Variants in GZF1 observed in about 807,000 individuals in gnomAD.
GZF1 encodes the protein GDNF inducible zinc finger protein 1, also known as GDNF-inducible zinc finger protein 1.
In GZF1, 28 loss-of-function variants were observed where a neutral mutation model predicts 49.4. The ratio of observed to expected loss-of-function variants is 0.57; its 90% CI spans 0.42 to 0.78. GZF1 has a LOEUF of 0.78. Ranked by LOEUF, GZF1 falls within the 30% of genes least tolerant of loss-of-function variation. The probability of loss-of-function intolerance (pLI) is 0.00; values close to 1 mark genes in which losing one functional copy is unlikely to be tolerated. For synonymous variants in GZF1, 364 were observed against 356.0 expected, an observed-to-expected ratio of 1.02 and a Z score of -0.25; for missense variants, 798 against 916.2, an observed-to-expected ratio of 0.87 and a Z score of 1.67.
At position 23,371,022 on chromosome 20, in the gene GZF1, C is replaced by G. The variant is rs1304929823; in HGVS notation, c.*581C>G. The G allele has an allele frequency of 4.6e-5, 7 of 151,394 alleles. No homozygotes were observed. Among genetic ancestry groups the G allele is most frequent in the Non-Finnish European group, 1.0e-4 (7 of 68,684 alleles). The allele number at this position is 151,394 out of a possible 1,614,324, so 9.4% of individuals were successfully genotyped here. A position where few individuals can be genotyped will look rare whatever the true frequency, so the allele number is the denominator to read the frequency against. Reference sequence around the variant, plus strand: ...GATTGTTGCATTCATTCCTCCCCACCCCCCATTTGTAGGCAGTAAACAAAG... The same window carrying G: ...GATTGTTGCATTCATTCCTCCCCACGCCCCATTTGTAGGCAGTAAACAAAG... On this transcript the variant is annotated 3_prime_UTR_variant, in exon 6 of 6. Coordinates refer to ENST00000338121, the MANE Select transcript of GZF1 (RefSeq NM_022482.5).
chr20:23,365,860 G>A, intron 2 of GZF1, 113 bp downstream of exon 2: 1 of 1,403,976 alleles, frequency 7.1e-7, no homozygotes, highest in Non-Finnish European at 9.3e-7. Context: ...CCAAACCTGG[G>A]GGCTTATTTC....
Position 23,365,759 on chromosome 20 carries a change from G to A in GZF1, c.1364+12G>A. On this transcript the variant is annotated intron_variant, in intron 2 of 5. Transcript: ENST00000338121. ...AAGACGCACATGAGGTACGCGGGGA[G>A]CCGTCCGGAGGGGTCCCTGCGCACT... The A allele has an allele frequency of 1.3e-6, 2 of 1,517,342 alleles. No homozygotes were observed. Among genetic ancestry groups the A allele is most frequent in the Non-Finnish European group, 1.8e-6 (2 of 1,137,696 alleles). The allele number at this position is 1,517,342 out of a possible 1,614,324, so 94.0% of individuals were successfully genotyped here.
chr20:23,366,014 T>C (rs1981333003), intron 2 of GZF1, among the ~76,000 whole-genome samples: 1 of 152,226 alleles, frequency 6.6e-6, no homozygotes. Context: ...CGCCCCACCG[T>C]GCTGGAGGAA....
chr20:23,368,585 G>C (rs1981683448), intron 3 of GZF1, among the ~76,000 whole-genome samples, 177 bp from the exon 4 acceptor site: 1 of 152,184 alleles, frequency 6.6e-6, no homozygotes, highest in South Asian at 2.1e-4. Flanking sequence ...CCAACTTTCA[G>C]TAAGTAGCAA....
chr20:23,364,234 A>C, intron 1 of GZF1, 129 bp from the exon 2 acceptor site: 1 of 541,704 alleles, frequency 1.8e-6, no homozygotes, highest in Non-Finnish European at 3.2e-6. Flanking sequence ...ATGTCATTCG[A>C]ATCTTTACCT....
Position 23,364,501 on chromosome 20 carries a change from CAG to C in GZF1, c.119_120del (p.Gln40ArgfsTer21). On this transcript the variant is annotated frameshift_variant, in exon 2 of 6. Coordinates refer to ENST00000338121, the MANE Select transcript of GZF1 (RefSeq NM_022482.5). LOFTEE classifies it high-confidence loss of function. ...TGACGTGACAGTCAGCGTGGAGTAT[CAG>C]GGTGTCCGCAAAGACTTCATGGCCC... is the stretch of plus-strand genomic sequence containing the variant. ...LCDVTVSVEY[Q>X]GVRKDFMAHK... 6.2e-7 allele frequency: 1 copy of C among 1,614,224 alleles called. No individual in the cohort carries two copies. The highest frequency in any genetic ancestry group is 8.5e-7 in the Non-Finnish European group (1 of 1,180,040).
Position 23,371,388 on chromosome 20 carries a change from C to T in GZF1, c.*947C>T, listed in dbSNP as rs1366872929. On this transcript the variant is annotated 3_prime_UTR_variant, in exon 6 of 6. Transcript: ENST00000338121. ...TTTCTGTAATTTCCAGAAACCCAGA[C>T]TTCTCATTTCCACACCTAGAGATGG... is the stretch of plus-strand genomic sequence containing the variant. 6.6e-6 allele frequency: 1 copy of T among 152,606 alleles called. No homozygotes were observed. The highest frequency in any genetic ancestry group is 1.5e-5 in the Non-Finnish European group (1 of 68,044). 9.5% of individuals were successfully genotyped at this position (152,606 alleles called of 1,614,324 possible). A position where few individuals can be genotyped will look rare whatever the true frequency, so the allele number is the denominator to read the frequency against.
Position 23,368,930 on chromosome 20 carries a change from G to T in GZF1, c.1627+1G>T. On this transcript the variant is annotated splice_donor_variant, in intron 4 of 5. Coordinates refer to ENST00000338121, the MANE Select transcript of GZF1 (RefSeq NM_022482.5). LOFTEE classifies it high-confidence loss of function. ...TACCAGCATATTAAAGTCCACACAG[G>T]TATGGTTGGAATGTCCCAGGGAAGG... 1 of 1,607,310 alleles carries T rather than the reference G, an allele frequency of 6.2e-7. No individual in the cohort carries two copies. The highest frequency in any genetic ancestry group is 8.5e-7 in the Non-Finnish European group (1 of 1,176,962).
chr20:23,364,677 G>A lies in GZF1; in HGVS notation c.294G>A (p.Lys98=), dbSNP rs756005236. Residue 98 remains lysine, a synonymous_variant, in exon 2 of 6, where the codon AAG becomes AAA. Coordinates refer to ENST00000338121, the MANE Select transcript of GZF1 (RefSeq NM_022482.5). ...TTCTTGAGTTTGTCTACACTGCAAA[G>A]GTACAGGTGGAAGAAGATCGGGTGC... ...ASFLEFVYTA[K]VQVEEDRVQR... 14 of 1,614,168 alleles carry A rather than the reference G, an allele frequency of 8.7e-6. No individual in the cohort carries two copies. The highest frequency in any genetic ancestry group is 6.7e-5 in the Admixed American group (4 of 60,018).
In GZF1 at chr20:23,364,926, G is replaced by A; in HGVS notation, c.543G>A (p.Leu181=). The change falls in exon 2 of 6, where the codon TTG becomes TTA. Residue 181 remains leucine, a synonymous_variant. Coordinates refer to ENST00000338121, the MANE Select transcript of GZF1 (RefSeq NM_022482.5). ...GPHPSGLTDS[L]DYPGERASNG... ...ACCCCAGTGGTCTCACGGATTCCTT[G>A]GACTACCCAGGAGAGAGAGCCAGCA... 1 of 1,614,218 alleles carries A rather than the reference G, an allele frequency of 6.2e-7. No individual in the cohort carries two copies. Among genetic ancestry groups the A allele is most frequent in the Non-Finnish European group, 8.5e-7 (1 of 1,180,046 alleles).
At position 23,362,208 on chromosome 20, in the gene GZF1, A is replaced by G. The variant is rs1363521757; in HGVS notation, c.-51A>G. On this transcript the variant is annotated 5_prime_UTR_variant, in exon 1 of 6. Coordinates refer to ENST00000338121, the MANE Select transcript of GZF1 (RefSeq NM_022482.5). The stretch of plus-strand genomic sequence containing the variant: ...TTCCTACCGGCCTGGTCCAGCGGAC[A>G]GCGGCTGCAGCGGGGGCGCCGGCTG... The G allele has an allele frequency of 1.3e-5, 2 of 152,146 alleles. No homozygotes were observed. The highest frequency in any genetic ancestry group is 1.5e-5 in the Non-Finnish European group (1 of 68,030). 9.4% of individuals were successfully genotyped at this position (152,146 alleles called of 1,614,324 possible).
chr20:23,367,650 T>A lies in GZF1; in HGVS notation c.1459+553T>A, dbSNP rs1267479058. On this transcript the variant is annotated intron_variant, in intron 3 of 5. Coordinates refer to ENST00000338121, the MANE Select transcript of GZF1 (RefSeq NM_022482.5). The stretch of plus-strand genomic sequence containing the variant: ...GTTAACCTCAATTGTATTGAAAACC[T>A]GCACATAAAAGACCAGAAGAAAATA... Among the ~76,000 whole-genome samples the A allele has an allele frequency of 3.3e-5, 5 of 152,240 alleles. No individual in the cohort carries two copies. The East Asian group carries it at 5.8e-4, about 18-fold the overall frequency.
chr20:23,369,064 C>G lies in GZF1; in HGVS notation c.1627+135C>G, dbSNP rs1019816276. ...GGCCAAACTTTGTATGTCATAATAG[C>G]ATTTCTTTAGAGATTGTTTCTAACT... On this transcript the variant is annotated intron_variant, in intron 4 of 5. Coordinates refer to ENST00000338121, the MANE Select transcript of GZF1 (RefSeq NM_022482.5). 8 of 684,620 alleles carry G rather than the reference C, an allele frequency of 1.2e-5. No homozygotes were observed. In the African/African-American group the frequency reaches 1.5e-4, roughly 12 times the overall value. The allele number at this position is 684,620 out of a possible 1,614,324, so 42.4% of individuals were successfully genotyped here.
intron 3 of GZF1, among the ~76,000 whole-genome samples, chr20:23,368,346 A>C (rs1472649399): frequency 6.6e-6 from 1 of 152,180 alleles, no homozygotes; most frequent in African/African-American, 2.4e-5. Flanking sequence ...TGGAGTTGCT[A>C]CTCTAGAATA....
upstream of GZF1, among the ~76,000 whole-genome samples, chr20:23,361,474 T>A (rs1356201871): frequency 6.6e-6 from 1 of 152,178 alleles, no homozygotes; most frequent in African/African-American, 2.4e-5. Context: ...TTCGCCCGAA[T>A]GGGAACTCCT....
Position 23,364,380 on chromosome 20 carries a change from A to G in GZF1, c.-4A>G, listed in dbSNP as rs1981044295. 2.6e-6 allele frequency: 4 copies of G among 1,549,102 alleles called. No homozygotes were observed. Among genetic ancestry groups the G allele is most frequent in the Non-Finnish European group, 3.5e-6 (4 of 1,145,968 alleles). ...TTTCAAAGCTGTTTTTGGAAGGAAGAAAGATGGAAAGCGGTGCAGTTCTGC... is the reference window on the plus strand; with the variant it reads ...TTTCAAAGCTGTTTTTGGAAGGAAGGAAGATGGAAAGCGGTGCAGTTCTGC... On this transcript the variant is annotated 5_prime_UTR_variant, in exon 2 of 6. Coordinates refer to ENST00000338121, the MANE Select transcript of GZF1 (RefSeq NM_022482.5).
chr20:23,361,510 G>A (rs941216848), upstream of GZF1, among the ~76,000 whole-genome samples: 1 of 152,196 alleles, frequency 6.6e-6, no homozygotes, highest in East Asian at 1.9e-4. Context: ...CAGTAAAGAC[G>A]GCAGGGTGCG....
intron 5 of GZF1, 80 bp from the exon 6 acceptor site, chr20:23,370,011 T>C: frequency 8.1e-7 from 1 of 1,229,428 alleles, no homozygotes; most frequent in South Asian, 1.3e-5. Flanking sequence ...AAAATTGAAG[T>C]TGTAGAGGGA....
At chr20:23,361,998 G>A (rs953966959), upstream of GZF1, among the ~76,000 whole-genome samples, 2 of 152,190 alleles carry the variant, frequency 1.3e-5, no homozygotes, top group Non-Finnish European at 2.9e-5. Flanking sequence ...ACGCAATCCG[G>A]CGTCGCCAGT....
Sources: gnomAD v4.1 joint callset for allele counts (sites outside exome capture counted in the v4.1 genomes callset) on GRCh38, gnomAD v4.1.1 for gene constraint, MANE v1.5 for transcripts, NCBI Gene and HGNC (gene_info 2026-07-23, HGNC 2026-07-21) for gene names.